The following NAALADL2 variants were observed in gnomAD, a reference collection of about 807,000 sequenced individuals.
The protein encoded by NAALADL2 is inactive N-acetylated-alpha-linked acidic dipeptidase-like protein 2.
A neutral mutation model predicts 87.2 loss-of-function variants in NAALADL2; 76 were observed. The observed-to-expected ratio is 0.87, with a 90% CI of 0.72 to 1.05. The LOEUF (loss-of-function observed/expected upper bound fraction) is 1.05. Ranked by LOEUF, NAALADL2 falls within the 50% of genes least tolerant of loss-of-function variation. The probability of loss-of-function intolerance (pLI) is 0.00; values close to 1 mark genes in which losing one functional copy is unlikely to be tolerated. For synonymous variants in NAALADL2, 354 were observed against 331.0 expected (o/e 1.07, Z -0.75); for missense variants, 1,089 against 945.8 (o/e 1.15, Z -1.99).
At chr3:174,816,411 TGC>T (rs1172987291) in intron 3 of NAALADL2, among the ~76,000 whole-genome samples, 4 of 101,010 alleles carry the variant, frequency 4.0e-5, no homozygotes, top group African/African-American at 1.6e-4. Flanking sequence ...TGTATGTGTG[TGC>T]GTGTGTGTGT....
rs370741047 is a variant in NAALADL2, at chr3:175,278,057, C to T, written c.939+21527C>T. On this transcript the variant is annotated intron_variant, in intron 4 of 13. Coordinates refer to ENST00000454872, the MANE Select transcript of NAALADL2 (RefSeq NM_207015.3). Reference sequence around the variant, plus strand: ...AGGAGAATGGCGTGAACCTGGGAGGCGGAGCTTGCAGTGAGCCGAGATCGC... The same window carrying T: ...AGGAGAATGGCGTGAACCTGGGAGGTGGAGCTTGCAGTGAGCCGAGATCGC... 7.9e-5 allele frequency among the ~76,000 whole-genome samples: 12 copies of T among 152,198 alleles called. No homozygotes were observed. In the East Asian group the frequency reaches 2.1e-3, roughly 27 times the overall value.
intron 2 of NAALADL2, among the ~76,000 whole-genome samples, chr3:175,147,257 C>T (rs9849708): frequency 0.034 from 5,207 of 152,138 alleles, 227 homozygotes; most frequent in African/African-American, 0.1. Context: ...CCCGTTCTAG[C>T]ACTCCCCAGT....
intron 11 of NAALADL2, among the ~76,000 whole-genome samples, chr3:175,678,536 A>C (rs570944344): frequency 7.7e-4 from 117 of 152,346 alleles, no homozygotes; most frequent in African/African-American, 2.7e-3. Context: ...ATGGAATACT[A>C]TGCAGCCATA....
intron 3 of NAALADL2, among the ~76,000 whole-genome samples, chr3:174,777,853 G>A (rs1715411235): frequency 6.6e-6 from 1 of 151,956 alleles, no homozygotes; most frequent in Admixed American, 6.6e-5. Context: ...CATGGTTCAA[G>A]TCTTCATTGT....
In NAALADL2 at chr3:175,805,081, C is replaced by T. The variant is rs1441353886; in HGVS notation, c.*1878C>T. The T allele has an allele frequency of 1.3e-5, 2 of 151,794 alleles. No individual in the cohort carries two copies. Among genetic ancestry groups the T allele is most frequent in the African/African-American group, 4.8e-5 (2 of 41,310 alleles). 9.4% of individuals were successfully genotyped at this position (151,794 alleles called of 1,614,324 possible). On this transcript the variant is annotated 3_prime_UTR_variant, in exon 14 of 14. Transcript: ENST00000454872. ...TCATCAGAAAAGAGGTGGGAATACA[C>T]AAGCAGGTGCATGTAAGCCCAAAAG...
At chr3:175,209,527 C>T (rs1479965565) in intron 2 of NAALADL2, among the ~76,000 whole-genome samples, 1 of 151,954 alleles carries the variant, frequency 6.6e-6, no homozygotes, top group Non-Finnish European at 1.5e-5. Context: ...AATAACAGTG[C>T]TTTAGTTGAA....
intron 1 of NAALADL2, among the ~76,000 whole-genome samples, chr3:174,522,640 A>C (rs547211661): frequency 1.3e-5 from 2 of 152,188 alleles, no homozygotes; most frequent in East Asian, 3.9e-4. Context: ...CCGTGTCTTA[A>C]AACAACAAGA....
intron 1 of NAALADL2, among the ~76,000 whole-genome samples, chr3:175,062,099 G>A (rs1713619642): frequency 2.2e-5 from 3 of 136,238 alleles, no homozygotes; most frequent in Admixed American, 1.4e-4. Context: ...ACAGTGGAAA[G>A]AGATGGTGTT....
At position 174,622,180 on chromosome 3, in the gene NAALADL2, C is replaced by T. The variant is rs149092565; in HGVS notation, c.-115+71543C>T. Among the ~76,000 whole-genome samples the T allele has an allele frequency of 3.6e-3, 548 of 152,244 alleles. 3 individuals carry two copies. The highest frequency in any genetic ancestry group is 0.027 in the South Asian group (131 of 4,832). ...ATAGATAGTCTAGAAAATGTTGCCTCTTAGCTGGGCAAATGGATTTCTGGA... is the reference window on the plus strand; with the variant it reads ...ATAGATAGTCTAGAAAATGTTGCCTTTTAGCTGGGCAAATGGATTTCTGGA... On this transcript the variant is annotated intron_variant, in intron 2 of 3. Transcript: ENST00000434257.
At chr3:174,786,486 AG>A (rs1235373902) in intron 3 of NAALADL2, among the ~76,000 whole-genome samples, 11 of 136,072 alleles carry the variant, frequency 8.1e-5, no homozygotes, top group Admixed American at 7.6e-4. Flanking sequence ...AATGAAAAGG[AG>A]AAAAAAAAGA....
chr3:175,588,424 GA>G (rs138040402), intron 10 of NAALADL2, among the ~76,000 whole-genome samples: 20,802 of 151,276 alleles, frequency 0.14, 1,532 homozygotes, highest in Middle Eastern at 0.18. Context: ...GGTATAAAAA[GA>G]AGTAAGAAGT....
At chr3:175,168,162 TA>T (rs35115728) in intron 2 of NAALADL2, among the ~76,000 whole-genome samples, 2 of 151,602 alleles carry the variant, frequency 1.3e-5, no homozygotes, top group Admixed American at 6.6e-5. Flanking sequence ...TAAGTTACAT[TA>T]AAAAATATTT....
intron 6 of NAALADL2, among the ~76,000 whole-genome samples, chr3:175,452,843 G>A (rs530986340): frequency 3.9e-5 from 6 of 152,230 alleles, no homozygotes; most frequent in South Asian, 2.1e-4. Context: ...TGGAGTGAGC[G>A]TAGGGGGGAA....
chr3:174,896,969 A>G (rs1029099155), intron 1 of NAALADL2, among the ~76,000 whole-genome samples: 6 of 152,218 alleles, frequency 3.9e-5, no homozygotes, highest in Admixed American at 3.3e-4. Context: ...TGGGATATCC[A>G]TATGCAAACA....
At chr3:174,900,559 G>A (rs111278854) in intron 1 of NAALADL2, among the ~76,000 whole-genome samples, 2,783 of 151,822 alleles carry the variant, frequency 0.018, 73 homozygotes, top group African/African-American at 0.059. Context: ...AGAGACTTCT[G>A]ATAACCTAAC....
In NAALADL2 at chr3:175,097,634, C is replaced by T. The variant is rs888785565; in HGVS notation, c.545+343C>T. On this transcript the variant is annotated intron_variant, in intron 2 of 13. Transcript: ENST00000454872. ...GATATACAGGTAATAAAAACTAGGA[C>T]ATTAGCCATATGATTAAAAACTTTA... Among the ~76,000 whole-genome samples the T allele has an allele frequency of 2.8e-4, 43 of 152,144 alleles. 1 individual carries two copies. Among genetic ancestry groups the T allele is most frequent in the Middle Eastern group, 3.4e-3 (1 of 294 alleles).
rs149935439 is a variant in NAALADL2 at position 174,794,148 on chromosome 3, G to GA, written c.-9+56407dup. ...CTTTATTTTCAAAGTAAAATGTATG[G>GA]AAAAATTTGACTTTATGAGACTTTT... On this transcript the variant is annotated intron_variant, in intron 3 of 3. Coordinates refer to the NAALADL2 transcript ENST00000434257. 3.1e-3 allele frequency among the ~76,000 whole-genome samples: 468 copies of GA among 152,054 alleles called. 4 individuals carry two copies. Among genetic ancestry groups the GA allele is most frequent in the South Asian group, 0.025 (120 of 4,812 alleles).
intron 11 of NAALADL2, among the ~76,000 whole-genome samples, chr3:175,641,001 A>G (rs899801514): frequency 6.6e-6 from 1 of 152,164 alleles, no homozygotes; most frequent in Non-Finnish European, 1.5e-5. Flanking sequence ...GAGAAGTCCT[A>G]TGAAAGTCAG....
intron 1 of NAALADL2, among the ~76,000 whole-genome samples, chr3:174,881,174 G>A (rs994379009): frequency 5.3e-5 from 8 of 152,080 alleles, no homozygotes; most frequent in African/African-American, 1.9e-4. Flanking sequence ...TATCCTTTGA[G>A]GAGCTGCCAT....
Sources: allele counts gnomAD v4.1 joint callset (sites outside exome capture counted in the v4.1 genomes callset), GRCh38; gene constraint gnomAD v4.1.1; transcripts MANE v1.5; gene names NCBI Gene and HGNC (gene_info 2026-07-23, HGNC 2026-07-21).